KIF16B: variants seen among roughly 807,000 people sequenced by gnomAD.
The protein encoded by KIF16B is kinesin family member 16B, also known as kinesin-like protein KIF16B.
In KIF16B, 98 loss-of-function variants were observed where a neutral mutation model predicts 156.3. That is an observed-to-expected ratio of 0.63 (90% CI 0.53 to 0.74). KIF16B has a LOEUF of 0.74. KIF16B is among the 30% of genes least tolerant of loss of function. KIF16B has a pLI of 0.00. For synonymous variants in KIF16B, 564 were observed against 583.7 expected (o/e 0.97, Z 0.49); for missense variants, 1,421 against 1,606.5 (o/e 0.88, Z 1.97).
intron 1 of KIF16B, among the ~76,000 whole-genome samples, chr20:16,559,374 T>C (rs2147348088): frequency 6.6e-6 from 1 of 152,344 alleles, no homozygotes; most frequent in Admixed American, 6.5e-5. Flanking sequence ...TGCCGTCTAC[T>C]CTTACCCTAA....
intron 23 of KIF16B, among the ~76,000 whole-genome samples, chr20:16,336,575 C>T (rs1160499242): frequency 6.6e-6 from 1 of 152,102 alleles, no homozygotes; most frequent in Non-Finnish European, 1.5e-5. Flanking sequence ...TCTCCACTTC[C>T]CACCTTTCTT....
chr20:16,274,331 A>G (rs762915437), intron 25 of KIF16B, among the ~76,000 whole-genome samples: 1 of 152,224 alleles, frequency 6.6e-6, no homozygotes, highest in Non-Finnish European at 1.5e-5. Context: ...GTTTGTTGCA[A>G]CATTATCTGC....
chr20:16,327,331 T>G (rs1481135675), intron 24 of KIF16B, among the ~76,000 whole-genome samples: 1 of 151,936 alleles, frequency 6.6e-6, no homozygotes, highest in Middle Eastern at 3.2e-3. Context: ...GACTACACAT[T>G]GGGTACAGTT....
chr20:16,401,799 G>A (rs2065663195), intron 17 of KIF16B, among the ~76,000 whole-genome samples: 1 of 152,122 alleles, frequency 6.6e-6, no homozygotes, highest in Non-Finnish European at 1.5e-5. Flanking sequence ...CCACTTCTAT[G>A]GCTAAAGTGC....
chr20:16,424,677 G>T (rs2066309741), intron 15 of KIF16B, among the ~76,000 whole-genome samples: 1 of 152,118 alleles, frequency 6.6e-6, no homozygotes, highest in African/African-American at 2.4e-5. Context: ...CATGAGAGTG[G>T]AGGCAAATGG....
intron 17 of KIF16B, among the ~76,000 whole-genome samples, chr20:16,383,150 A>G (rs1388257049): frequency 6.6e-6 from 1 of 152,068 alleles, no homozygotes; most frequent in African/African-American, 2.4e-5. Flanking sequence ...TGGCTTTTTT[A>G]GGCAGAACTG....
intron 1 of KIF16B, among the ~76,000 whole-genome samples, chr20:16,566,004 G>A (rs965771870): frequency 3.9e-5 from 6 of 152,232 alleles, no homozygotes; most frequent in African/African-American, 1.4e-4. Flanking sequence ...AGGTGCAAAC[G>A]CACCAAAAGT....
At chr20:16,318,335 G>C (rs923995736) in intron 24 of KIF16B, among the ~76,000 whole-genome samples, 9 of 152,050 alleles carry the variant, frequency 5.9e-5, no homozygotes, top group East Asian at 1.9e-4. Flanking sequence ...TAGTCACGTA[G>C]GAACCATAAA....
intron 12 of KIF16B, among the ~76,000 whole-genome samples, chr20:16,459,332 C>T (rs1401776383): frequency 2.6e-5 from 4 of 152,176 alleles, no homozygotes; most frequent in African/African-American, 9.7e-5. Context: ...AACACTGTGG[C>T]TGGGGATGGC....
intron 15 of KIF16B, among the ~76,000 whole-genome samples, chr20:16,414,871 C>T (rs565146701): frequency 6.6e-6 from 1 of 152,252 alleles, no homozygotes; most frequent in Admixed American, 6.5e-5. Flanking sequence ...AAGAGTGATA[C>T]ACATTCAGTA....
chr20:16,454,977 C>T (rs1374555612), intron 12 of KIF16B, among the ~76,000 whole-genome samples: 2 of 152,152 alleles, frequency 1.3e-5, no homozygotes, highest in African/African-American at 4.8e-5. Context: ...AGCAAGAAAG[C>T]TTTCAGAGAT....
In KIF16B at chr20:16,487,025, G is replaced by T. The variant is rs368014354; in HGVS notation, c.1302+7266C>A. On this transcript the variant is annotated intron_variant, in intron 12 of 25. Coordinates refer to ENST00000354981, the MANE Select transcript of KIF16B (RefSeq NM_024704.5). ...TCTCAGCAGTTTGGGAGGCTGAGGTGGGTGGATCACAGGGTCAGGAGATTG... is the reference window on the plus strand; with the variant it reads ...TCTCAGCAGTTTGGGAGGCTGAGGTTGGTGGATCACAGGGTCAGGAGATTG... Among the ~76,000 whole-genome samples, 40 of 152,198 alleles carry T rather than the reference G, an allele frequency of 2.6e-4. No homozygotes were observed. The South Asian group carries it at 7.7e-3, about 29-fold the overall frequency.
Position 16,528,555 on chromosome 20 carries a change from C to T in KIF16B, c.48-115G>A, listed in dbSNP as rs560171929. 99 of 747,946 alleles carry T rather than the reference C, an allele frequency of 1.3e-4. 1 individual carries two copies. The African/African-American group carries it at 1.4e-3, about 11-fold the overall frequency. 46.3% of individuals were successfully genotyped at this position (747,946 alleles called of 1,614,324 possible). A position where few individuals can be genotyped will look rare whatever the true frequency, so the allele number is the denominator to read the frequency against. ...ACGTTAGGAGTTTATTTTCAAATGG[C>T]ATCTGAGGAGCAATCCCAGACACGG... On this transcript the variant is annotated intron_variant, in intron 1 of 25. Transcript: ENST00000354981.
intron 11 of KIF16B, 98 bp downstream of exon 11, chr20:16,497,515 A>G: frequency 4.3e-6 from 4 of 921,874 alleles, no homozygotes; most frequent in Non-Finnish European, 6.9e-6. Context: ...TGCAATAAAG[A>G]AAAAGAAGGC....
At chr20:16,499,073 C>T (rs537173172) in intron 10 of KIF16B, among the ~76,000 whole-genome samples, 3 of 152,192 alleles carry the variant, frequency 2.0e-5, no homozygotes, top group East Asian at 1.9e-4. Context: ...TCAGAGATGT[C>T]CCCGAGCTAT....
At chr20:16,435,102 TTAATA>T (rs1286414449) in intron 12 of KIF16B, among the ~76,000 whole-genome samples, 16 of 152,336 alleles carry the variant, frequency 1.1e-4, no homozygotes, top group African/African-American at 3.8e-4. Context: ...TTCTTTATTA[TTAATA>T]TAAGAGGTAT....
At chr20:16,427,961 T>C (rs2146425117) in intron 14 of KIF16B, among the ~76,000 whole-genome samples, 2 of 152,282 alleles carry the variant, frequency 1.3e-5, no homozygotes, top group South Asian at 4.1e-4. Flanking sequence ...ACAAGCCAAC[T>C]AGTTTCCACT....
chr20:16,383,097 AATCCTCCTC>A, intron 17 of KIF16B, among the ~76,000 whole-genome samples: 1 of 152,098 alleles, frequency 6.6e-6, no homozygotes, highest in East Asian at 1.9e-4. Flanking sequence ...AGGCTCAAGC[AATCCTCCTC>A]TCTGTTTCCT....
In KIF16B at chr20:16,429,007, G is replaced by A; in HGVS notation, c.1423-3C>T. The A allele has an allele frequency of 6.2e-7, 1 of 1,612,312 alleles. No homozygotes were observed. Among genetic ancestry groups the A allele is most frequent in the Non-Finnish European group, 8.5e-7 (1 of 1,178,676 alleles). On this transcript the variant is annotated splice_region_variant and splice_polypyrimidine_tract_variant and intron_variant, in intron 13 of 25. Transcript: ENST00000354981. The stretch of plus-strand genomic sequence containing the variant: ...CTACCAACGTATGTCTGACCTTCCT[G>A]GGAAGAAAACCCAAGCAAAATGTAT...
Sources: gnomAD v4.1 joint callset for allele counts (sites outside exome capture counted in the v4.1 genomes callset) on GRCh38, gnomAD v4.1.1 for gene constraint, MANE v1.5 for transcripts, NCBI Gene and HGNC (gene_info 2026-07-23, HGNC 2026-07-21) for gene names.